CALN1: variants seen among roughly 807,000 people sequenced by gnomAD.
The protein encoded by CALN1 is calcium-binding protein 8.
In CALN1, 17 loss-of-function variants were observed where a neutral mutation model predicts 30.6. The ratio of observed to expected loss-of-function variants is 0.56; its 90% CI spans 0.38 to 0.83. The LOEUF (loss-of-function observed/expected upper bound fraction) is 0.83. CALN1 is among the 40% of genes least tolerant of loss of function. CALN1 has a pLI of 0.00. For missense variants in CALN1, 291 were observed against 354.9 expected (o/e 0.82, Z 1.45); for synonymous variants, 156 against 131.4 (o/e 1.19, Z -1.28).
chr7:72,043,612 TA>T (rs996275864), intron 4 of CALN1, among the ~76,000 whole-genome samples: 8 of 151,424 alleles, frequency 5.3e-5, no homozygotes, highest in Admixed American at 2.0e-4. Context: ...TTACAAAAAA[TA>T]AAAAAAACTT....
intron 2 of CALN1, among the ~76,000 whole-genome samples, chr7:72,399,332 G>A (rs1170364544): frequency 2.1e-5 from 3 of 145,956 alleles, no homozygotes; most frequent in Non-Finnish European, 4.5e-5. Context: ...GTGCAGTGGC[G>A]CGATCTTGGC....
chr7:72,484,534 G>A, the CALN1 span, among the ~76,000 whole-genome samples: 2 of 150,644 alleles, frequency 1.3e-5, no homozygotes, highest in Non-Finnish European at 3.0e-5. Flanking sequence ...AGTCCCCACC[G>A]CCCGCCCCCG....
chr7:72,314,849 A>C (rs1019624059), intron 2 of CALN1, among the ~76,000 whole-genome samples: 1 of 151,350 alleles, frequency 6.6e-6, no homozygotes, highest in African/African-American at 2.4e-5. Flanking sequence ...AAAAAAAAAA[A>C]AACAAAAAAA....
chr7:72,364,749 C>T (rs191932488), intron 2 of CALN1, among the ~76,000 whole-genome samples: 2 of 152,284 alleles, frequency 1.3e-5, no homozygotes, highest in Non-Finnish European at 2.9e-5. Flanking sequence ...AATCATCCCA[C>T]GTTGTATTCA....
chr7:71,994,851 ATTTT>A (rs564198396), intron 5 of CALN1, among the ~76,000 whole-genome samples: 1 of 123,162 alleles, frequency 8.1e-6, no homozygotes, highest in Non-Finnish European at 1.7e-5. Context: ...GCCCCTTCCT[ATTTT>A]TTTTTTTTTT....
chr7:72,245,091 G>T (rs377668858), intron 3 of CALN1, among the ~76,000 whole-genome samples: 9 of 152,170 alleles, frequency 5.9e-5, no homozygotes, highest in Non-Finnish European at 8.8e-5. Flanking sequence ...TTCTCTTGGA[G>T]GAAAATATTC....
intron 5 of CALN1, among the ~76,000 whole-genome samples, chr7:71,818,640 G>C (rs1365269792): frequency 6.6e-6 from 1 of 151,720 alleles, no homozygotes; most frequent in Non-Finnish European, 1.5e-5. Context: ...AAAATGCTGA[G>C]ATTACAGGCA....
intron 3 of CALN1, among the ~76,000 whole-genome samples, chr7:72,128,698 C>T (rs893531178): frequency 6.6e-5 from 10 of 152,118 alleles, no homozygotes; most frequent in East Asian, 1.9e-4. Context: ...TGGCGAAGCC[C>T]CATCTCTACT....
At chr7:71,868,529 G>A (rs1228527422) in intron 5 of CALN1, among the ~76,000 whole-genome samples, 2 of 151,910 alleles carry the variant, frequency 1.3e-5, no homozygotes, top group Non-Finnish European at 2.9e-5. Flanking sequence ...CCGCCACCAC[G>A]CCCGGCTAAT....
rs754201004 is a variant in CALN1 at position 72,016,998 on chromosome 7, C to CAAAAAAAAAAAAAA, written c.501+6645_501+6658dup. Among the ~76,000 whole-genome samples the CAAAAAAAAAAAAAA allele has an allele frequency of 1.1e-3, 34 of 31,958 alleles. 2 individuals carry two copies. Among genetic ancestry groups the CAAAAAAAAAAAAAA allele is most frequent in the African/African-American group, 2.9e-3 (19 of 6,616 alleles). 21.0% of individuals were successfully genotyped at this position (31,958 alleles called of 152,430 possible). A position where few individuals can be genotyped will look rare whatever the true frequency, so the allele number is the denominator to read the frequency against. ...CAAAACCCCGTGTTTACTAAAAATA[C>CAAAAAAAAAAAAAA]AAAAAAAAAAAAAAAAAAAGCTGGG... On this transcript the variant is annotated intron_variant, in intron 5 of 6. Transcript: ENST00000395275.
rs11315302 is a variant in CALN1 at position 72,064,281 on chromosome 7, C to CA, written c.389-40513dup. 3.8e-3 allele frequency among the ~76,000 whole-genome samples: 512 copies of CA among 133,960 alleles called. 3 individuals are homozygous for CA. Among genetic ancestry groups the CA allele is most frequent in the Non-Finnish European group, 4.1e-3 (251 of 61,262 alleles). The allele number at this position is 133,960 out of a possible 152,430, so 87.9% of individuals were successfully genotyped here. A position where few individuals can be genotyped will look rare whatever the true frequency, so the allele number is the denominator to read the frequency against. On this transcript the variant is annotated intron_variant, in intron 4 of 6. Transcript: ENST00000395275. ...TGGGTGACAGAGTGAGACTCCATCT[C>CA]AAAAAAAAAAAAAATAATTAATTAA...
intron 3 of CALN1, among the ~76,000 whole-genome samples, chr7:72,252,718 G>A (rs781139969): frequency 2.0e-5 from 3 of 151,926 alleles, no homozygotes; most frequent in African/African-American, 7.3e-5. Flanking sequence ...AGCCACCACC[G>A]TATCTCGTCT....
chr7:72,085,695 A>G (rs844727), intron 4 of CALN1, among the ~76,000 whole-genome samples: 6 of 152,064 alleles, frequency 3.9e-5, no homozygotes, highest in African/African-American at 1.4e-4. Flanking sequence ...TATTGGAATA[A>G]GTGTTTTACT....
chr7:71,808,115 T>C (rs1345048061), intron 6 of CALN1, among the ~76,000 whole-genome samples: 2 of 151,982 alleles, frequency 1.3e-5, no homozygotes, highest in African/African-American at 4.8e-5. Context: ...ACTACTATAG[T>C]TATTGGTTAG....
At chr7:72,503,062 C>T in the CALN1 span, among the ~76,000 whole-genome samples, 2 of 152,162 alleles carry the variant, frequency 1.3e-5, no homozygotes, top group East Asian at 1.9e-4. Flanking sequence ...AGGAGAATCG[C>T]TTGAATCTGG....
rs750054515 is a variant in CALN1 at position 72,359,976 on chromosome 7, C to CAA, written c.119+43273_119+43274dup. On this transcript the variant is annotated intron_variant, in intron 2 of 6. Transcript: ENST00000395275. Reference sequence around the variant, plus strand: ...TGGGTGACAGAGTGAGACTCCATCTCAAAAAAAAAAAAAAACCAAAGTTGA... The same window carrying CAA: ...TGGGTGACAGAGTGAGACTCCATCTCAAAAAAAAAAAAAAAAACCAAAGTTGA... Among the ~76,000 whole-genome samples the CAA allele has an allele frequency of 4.6e-3, 293 of 63,956 alleles. 9 individuals are homozygous for CAA. Among genetic ancestry groups the CAA allele is most frequent in the Middle Eastern group, 0.041 (5 of 122 alleles). The allele number at this position is 63,956 out of a possible 152,430, so 42.0% of individuals were successfully genotyped here.
chr7:72,308,372 G>GGGGAGAGAGAGAGAGAGA (rs373934467), intron 2 of CALN1, among the ~76,000 whole-genome samples: 1 of 92,620 alleles, frequency 1.1e-5, no homozygotes, highest in African/African-American at 5.6e-5. Context: ...TGTGGGGGGG[G>GGGGAGAGAGAGAGAGAGA]GAGAGAGAGA....
At chr7:72,332,544 C>T (rs1801745758) in intron 2 of CALN1, among the ~76,000 whole-genome samples, 1 of 151,852 alleles carries the variant, frequency 6.6e-6, no homozygotes. Context: ...CACCTCCTAC[C>T]TCAATAATAA....
intron 5 of CALN1, among the ~76,000 whole-genome samples, chr7:72,021,149 C>A (rs1011598163): frequency 6.6e-6 from 1 of 152,060 alleles, no homozygotes; most frequent in Non-Finnish European, 1.5e-5. Flanking sequence ...GTGGCTTGCA[C>A]CTGTGGTCCC....
Sources: allele counts gnomAD v4.1 joint callset (sites outside exome capture counted in the v4.1 genomes callset), GRCh38; gene constraint gnomAD v4.1.1; transcripts MANE v1.5; gene names NCBI Gene and HGNC (gene_info 2026-07-23, HGNC 2026-07-21).